The following STK10 variants were observed in gnomAD, a reference collection of about 807,000 sequenced individuals.
STK10 encodes the protein serine/threonine kinase 10.
A neutral mutation model predicts 113.8 loss-of-function variants in STK10; 78 were observed. The ratio of observed to expected loss-of-function variants is 0.69; its 90% CI spans 0.57 to 0.83. STK10 has a LOEUF of 0.83. STK10 is among the 40% of genes least tolerant of loss of function. The pLI is 0.00. For missense variants in STK10, 1,109 were observed against 1,280.1 expected (o/e 0.87, Z 2.04); for synonymous variants, 465 against 494.7 (o/e 0.94, Z 0.80).
At chr5:172,112,181 T>C (rs970763718) in intron 4 of STK10, among the ~76,000 whole-genome samples, 3 of 152,218 alleles carry the variant, frequency 2.0e-5, no homozygotes, top group African/African-American at 7.2e-5. Flanking sequence ...AACATGTTGC[T>C]GACTGACTGA....
At chr5:172,089,794 T>C (rs950323431) in intron 10 of STK10, among the ~76,000 whole-genome samples, 11 of 151,800 alleles carry the variant, frequency 7.2e-5, no homozygotes, top group African/African-American at 1.9e-4. Flanking sequence ...ACTGGGTGGA[T>C]AGATGGATAG....
At chr5:172,050,973 G>A (rs1293290922) in intron 18 of STK10, among the ~76,000 whole-genome samples, 1 of 152,010 alleles carries the variant, frequency 6.6e-6, no homozygotes, top group East Asian at 1.9e-4. Context: ...CACTTTAGGA[G>A]TGGTGGCGGG....
intron 2 of STK10, among the ~76,000 whole-genome samples, chr5:172,140,295 G>A (rs1769947649): frequency 1.3e-5 from 2 of 152,330 alleles, no homozygotes; most frequent in East Asian, 1.9e-4. Context: ...AAGATGACAC[G>A]TGTTGATGAG....
chr5:172,061,010 T>A, intron 14 of STK10, 129 bp downstream of exon 14: 4 of 1,385,640 alleles, frequency 2.9e-6, no homozygotes, highest in Non-Finnish European at 3.8e-6. Flanking sequence ...GGTTTCCCCA[T>A]GAAGAATGAT....
At chr5:172,125,380 C>CT (rs1335932716) in intron 3 of STK10, among the ~76,000 whole-genome samples, 2 of 149,818 alleles carry the variant, frequency 1.3e-5, no homozygotes, top group South Asian at 4.2e-4. Context: ...CTGCTCATGA[C>CT]TTTTTTTCAT....
chr5:172,123,807 G>A (rs1436465159), intron 3 of STK10, among the ~76,000 whole-genome samples: 1 of 152,096 alleles, frequency 6.6e-6, no homozygotes, highest in Non-Finnish European at 1.5e-5. Context: ...TGTGATGGCT[G>A]GAGCTCCCAC....
chr5:172,170,323 C>T (rs930340735), intron 1 of STK10, among the ~76,000 whole-genome samples: 2 of 152,074 alleles, frequency 1.3e-5, no homozygotes, highest in South Asian at 2.1e-4. Context: ...AAAGATGGCA[C>T]CTCTTTACCT....
intron 10 of STK10, among the ~76,000 whole-genome samples, chr5:172,085,544 C>G (rs1768534008): frequency 6.6e-6 from 1 of 151,826 alleles, no homozygotes; most frequent in Non-Finnish European, 1.5e-5. Flanking sequence ...CAAAAATTAG[C>G]CAGGTATGGT....
chr5:172,048,308 G>A (rs1767538871), intron 18 of STK10, among the ~76,000 whole-genome samples: 1 of 151,920 alleles, frequency 6.6e-6, no homozygotes, highest in Non-Finnish European at 1.5e-5. Context: ...CAACAACTGG[G>A]TCTCCAGCCT....
intron 15 of STK10, among the ~76,000 whole-genome samples, chr5:172,056,369 C>T (rs1176691225): frequency 2.0e-5 from 3 of 152,214 alleles, no homozygotes; most frequent in African/African-American, 7.2e-5. Flanking sequence ...TGAACTGAGA[C>T]AGACAATTCC....
intron 12 of STK10, among the ~76,000 whole-genome samples, chr5:172,079,265 C>G (rs1768378079): frequency 6.6e-6 from 1 of 152,134 alleles, no homozygotes. Context: ...TTTGAACACT[C>G]CAAGCTCTTT....
In STK10 at chr5:172,093,551, G is replaced by A. The variant is rs1447832258; in HGVS notation, c.1415C>T (p.Pro472Leu). Residue 472 changes from proline (P) to leucine (L), a missense_variant, in exon 9 of 19, where the codon CCA becomes CTA. Pro to Leu is a moderately conservative substitution (Grantham distance 98). This residue lies in a region of STK10 where 885 missense variants were observed against 991.1 expected (regional missense o/e 0.89). Coordinates refer to ENST00000176763, the MANE Select transcript of STK10 (RefSeq NM_005990.4). The surrounding 1 kb of genome is among the most constrained non-coding windows in gnomAD (Gnocchi z 4.1). ...AGGCCCTGGAGCTGCCTGGGCAGGTGGCTCCAGGCTGCCATTGGCCAGCTT... is the reference window on the plus strand; with the variant it reads ...AGGCCCTGGAGCTGCCTGGGCAGGTAGCTCCAGGCTGCCATTGGCCAGCTT... Reference protein sequence around the residue: ...GEKLANGSLEPPAQAAPGPSK... With the variant: ...GEKLANGSLELPAQAAPGPSK... 6.2e-7 allele frequency: 1 copy of A among 1,614,120 alleles called. No homozygotes were observed. Among genetic ancestry groups the A allele is most frequent in the Non-Finnish European group, 8.5e-7 (1 of 1,179,980 alleles).
Position 172,044,923 on chromosome 5 carries a change from C to T in STK10, c.2866G>A (p.Ala956Thr), listed in dbSNP as rs1221794730. 1 of 1,614,206 alleles carries T rather than the reference C, an allele frequency of 6.2e-7. No homozygotes were observed. Among genetic ancestry groups the T allele is most frequent in the Non-Finnish European group, 8.5e-7 (1 of 1,180,024 alleles). ...GAACTGTAGGGGAAGAACTTGGCGG[C>T]CTTGCTTGGGGTGGAGGGGTTTGGG... ...ECPNPSTPSK[A>T]AKFFPYSSAD... Residue 956 changes from alanine (A) to threonine (T), a missense_variant, in exon 19 of 19, where the codon GCC (alanine) becomes ACC (threonine). Coordinates refer to ENST00000176763, the MANE Select transcript of STK10 (RefSeq NM_005990.4). The surrounding 1 kb of genome is among the most constrained non-coding windows in gnomAD (Gnocchi z 4.5).
At chr5:172,185,975 A>C (rs1190045106) in intron 1 of STK10, among the ~76,000 whole-genome samples, 1 of 152,140 alleles carries the variant, frequency 6.6e-6, no homozygotes, top group African/African-American at 2.4e-5. Context: ...GGTGGCAAGG[A>C]AACAAAACAG....
At chr5:172,104,988 A>G (rs3103592) in intron 7 of STK10, among the ~76,000 whole-genome samples, 15,169 of 152,024 alleles carry the variant, frequency 0.1, 869 homozygotes, top group East Asian at 0.13. Flanking sequence ...CTTTTCCCAC[A>G]CACCTCCTCC....
chr5:172,130,374 T>C (rs538244668), intron 2 of STK10, among the ~76,000 whole-genome samples: 2 of 152,032 alleles, frequency 1.3e-5, no homozygotes, highest in Admixed American at 1.3e-4. Context: ...CCACTAAAAA[T>C]ACAAAAAGTA....
chr5:172,106,846 G>A (rs750031195), intron 5 of STK10, 32 bp from the exon 6 acceptor site: 246 of 1,592,078 alleles, frequency 1.5e-4, no homozygotes, highest in Non-Finnish European at 2.1e-4. Flanking sequence ...ATAGGGCTAA[G>A]AATCTGGCCT....
intron 1 of STK10, among the ~76,000 whole-genome samples, chr5:172,178,798 C>T (rs1438920714): frequency 3.3e-5 from 5 of 152,168 alleles, no homozygotes; most frequent in African/African-American, 4.8e-5. Flanking sequence ...AATAAAGGAA[C>T]GCTCGTCTGC....
At chr5:172,166,950 A>G (rs1262740090) in intron 1 of STK10, among the ~76,000 whole-genome samples, 2 of 152,154 alleles carry the variant, frequency 1.3e-5, no homozygotes, top group African/African-American at 2.4e-5. Context: ...TCAGAAAGTC[A>G]GAAGTTCGAG....
Sources: allele counts gnomAD v4.1 joint callset (sites outside exome capture counted in the v4.1 genomes callset), GRCh38; gene constraint gnomAD v4.1.1; regional missense constraint gnomAD v4.1.1; non-coding constraint Gnocchi (gnomAD v3.1); transcripts MANE v1.5; gene names NCBI Gene and HGNC (gene_info 2026-07-23, HGNC 2026-07-21).